Variants in EHBP1 observed in about 807,000 individuals in gnomAD.
The protein encoded by EHBP1 is EH domain-binding protein 1.
In EHBP1, 55 loss-of-function variants were observed where a neutral mutation model predicts 144.0. That is an observed-to-expected ratio of 0.38 (90% CI 0.31 to 0.48). EHBP1 has a LOEUF of 0.48. Among genes scored for constraint, EHBP1 ranks in the 20% least tolerant of loss-of-function variants. EHBP1 has a pLI of 0.98. For synonymous variants in EHBP1, 469 were observed against 472.7 expected, an observed-to-expected ratio of 0.99 and a Z score of 0.10; for missense variants, 1,200 against 1,364.2, an observed-to-expected ratio of 0.88 and a Z score of 1.90.
intron 3 of EHBP1, among the ~76,000 whole-genome samples, chr2:62,756,329 A>G (rs755022258): frequency 6.6e-6 from 1 of 152,166 alleles, no homozygotes; most frequent in Non-Finnish European, 1.5e-5. Flanking sequence ...GAAATTACTT[A>G]TTGTTGGATG....
rs1459097639 is a variant in EHBP1 at position 62,990,756 on chromosome 2, C to A, written c.2649C>A (p.Leu883=). 6.2e-7 allele frequency: 1 copy of A among 1,613,790 alleles called. No individual in the cohort carries two copies. Among genetic ancestry groups the A allele is most frequent in the Non-Finnish European group, 8.5e-7 (1 of 1,179,834 alleles). Residue 883 remains leucine, a synonymous_variant, in exon 16 of 23, where the codon CTC becomes CTA. Transcript: ENST00000431489. The part of the protein sequence containing the change: ...SKLVDLKLKK[L]LEVQPQVANS... ...TGGTGGACTTGAAGCTGAAGAAGCT[C>A]CTAGAAGTTCAGCCACAGGTGGCAA...
At chr2:62,840,875 C>G (rs1238328001) in intron 7 of EHBP1, among the ~76,000 whole-genome samples, 1 of 152,016 alleles carries the variant, frequency 6.6e-6, no homozygotes, top group East Asian at 1.9e-4. Context: ...AATAGGAACA[C>G]TTTTACACTG....
At chr2:62,884,236 A>G (rs530849789) in intron 10 of EHBP1, among the ~76,000 whole-genome samples, 7 of 152,224 alleles carry the variant, frequency 4.6e-5, no homozygotes, top group Non-Finnish European at 4.4e-5. Context: ...TCATGTTTTA[A>G]CTTCCTATAT....
chr2:62,689,000 G>T (rs1400181076), intron 1 of EHBP1, among the ~76,000 whole-genome samples: 1 of 152,180 alleles, frequency 6.6e-6, no homozygotes, highest in Non-Finnish European at 1.5e-5. Flanking sequence ...AAGTAAGAAT[G>T]TGTGCATCCC....
intron 5 of EHBP1, among the ~76,000 whole-genome samples, chr2:62,783,492 A>G (rs1317209598): frequency 6.6e-6 from 1 of 152,226 alleles, no homozygotes; most frequent in Non-Finnish European, 1.5e-5. Context: ...GCCTTTGTAT[A>G]CATCCTCTGA....
intron 5 of EHBP1, among the ~76,000 whole-genome samples, chr2:62,802,448 A>G (rs773219857): frequency 6.6e-6 from 1 of 152,102 alleles, no homozygotes; most frequent in Non-Finnish European, 1.5e-5. Context: ...GTCTTAGCTT[A>G]TTTTTCTGCC....
intron 19 of EHBP1, among the ~76,000 whole-genome samples, chr2:63,020,323 C>CAAAAAAA (rs1001418542): frequency 2.2e-4 from 10 of 45,270 alleles, no homozygotes; most frequent in Admixed American, 5.0e-4. Flanking sequence ...GACTCTGTCT[C>CAAAAAAA]AAAAAAAAAA....
At chr2:62,745,256 G>T (rs1363713447) in intron 2 of EHBP1, among the ~76,000 whole-genome samples, 1 of 152,088 alleles carries the variant, frequency 6.6e-6, no homozygotes, top group Non-Finnish European at 1.5e-5. Context: ...AAATAGTGCA[G>T]TCTAGTGTGA....
intron 14 of EHBP1, among the ~76,000 whole-genome samples, chr2:62,970,728 T>C (rs1372558658): frequency 3.3e-5 from 5 of 152,114 alleles, no homozygotes; most frequent in East Asian, 1.9e-4. Context: ...GAAAGAACAA[T>C]TGAATAAAGT....
At chr2:62,901,738 G>A (rs1406780546) in intron 10 of EHBP1, among the ~76,000 whole-genome samples, 1 of 151,920 alleles carries the variant, frequency 6.6e-6, no homozygotes, top group Non-Finnish European at 1.5e-5. Context: ...GGCCGAGGTA[G>A]ACGGATCATT....
chr2:62,972,866 C>G (rs1378185549), intron 14 of EHBP1, among the ~76,000 whole-genome samples: 1 of 152,112 alleles, frequency 6.6e-6, no homozygotes, highest in Non-Finnish European at 1.5e-5. Context: ...GAGGCTAAAT[C>G]TTGCTACTTG....
chr2:63,008,626 T>C (rs2060142122), intron 19 of EHBP1, among the ~76,000 whole-genome samples: 1 of 151,072 alleles, frequency 6.6e-6, no homozygotes, highest in South Asian at 2.1e-4. Context: ...TTTTTTCTTT[T>C]TTTTTTTCTT....
In EHBP1 at chr2:62,979,338, G is replaced by A; in HGVS notation, c.2608+3G>A. The A allele has an allele frequency of 1.2e-6, 2 of 1,612,904 alleles. No homozygotes were observed. The highest frequency in any genetic ancestry group is 1.7e-6 in the Non-Finnish European group (2 of 1,179,292). ...AGAAAGGTCAAAGGCATCTGGAGGT[G>A]AGTTAAAGAATCTTCTATCATTCTA... On this transcript the variant is annotated splice_donor_region_variant and intron_variant, in intron 15 of 22. Coordinates refer to ENST00000431489, the MANE Select transcript of EHBP1 (RefSeq NM_001142616.3).
intron 19 of EHBP1, among the ~76,000 whole-genome samples, chr2:63,012,353 CT>C (rs1320903022): frequency 3.3e-5 from 5 of 152,022 alleles, no homozygotes; most frequent in Non-Finnish European, 7.4e-5. Flanking sequence ...TCACTCACTG[CT>C]CTTTAGCTTC....
chr2:62,731,521 A>G (rs1013412164), intron 2 of EHBP1, among the ~76,000 whole-genome samples: 8 of 152,160 alleles, frequency 5.3e-5, no homozygotes, highest in African/African-American at 1.9e-4. Context: ...TGTTAAGTAT[A>G]ACGTTATCCT....
chr2:62,990,489 A>G (rs565808532), intron 15 of EHBP1, among the ~76,000 whole-genome samples: 3 of 152,328 alleles, frequency 2.0e-5, no homozygotes, highest in South Asian at 2.1e-4. Context: ...ATTTAACTAT[A>G]GTATAACTAA....
At chr2:63,037,182 AT>A (rs1338776497) in intron 19 of EHBP1, among the ~76,000 whole-genome samples, 1 of 151,636 alleles carries the variant, frequency 6.6e-6, no homozygotes, top group Non-Finnish European at 1.5e-5. Flanking sequence ...TGATTTTTTA[AT>A]TTTTTTTAAT....
chr2:62,690,199 T>C (rs1356994656), intron 1 of EHBP1, among the ~76,000 whole-genome samples: 3 of 152,082 alleles, frequency 2.0e-5, no homozygotes, highest in African/African-American at 7.2e-5. Context: ...TCCTTGGGGG[T>C]AGCAGAAAAA....
chr2:62,835,320 G>A (rs1357887646), intron 7 of EHBP1, among the ~76,000 whole-genome samples: 2 of 151,838 alleles, frequency 1.3e-5, no homozygotes, highest in African/African-American at 2.4e-5. Flanking sequence ...CTTACATGTT[G>A]CTTTTCTTAG....
Sources: gnomAD v4.1 joint callset for allele counts (sites outside exome capture counted in the v4.1 genomes callset) on GRCh38, gnomAD v4.1.1 for gene constraint, MANE v1.5 for transcripts, NCBI Gene and HGNC (gene_info 2026-07-23, HGNC 2026-07-21) for gene names.